Variants in ATXN1L observed in about 807,000 individuals in gnomAD.
ATXN1L encodes ataxin-1-like.
A neutral mutation model predicts 43.4 loss-of-function variants in ATXN1L; 8 were observed. The observed-to-expected ratio is 0.18, with a 90% CI of 0.11 to 0.33. The LOEUF is 0.33. ATXN1L is among the 10% of genes least tolerant of loss of function. ATXN1L has a pLI of 1.00. For missense variants in ATXN1L, 856 were observed against 885.4 expected (o/e 0.97, Z 0.42); for synonymous variants, 379 against 360.6 (o/e 1.05, Z -0.58).
chr16:71,853,562 G>A lies in ATXN1L; in HGVS notation c.*1752G>A, dbSNP rs899250987. 5 of 167,058 alleles carry A rather than the reference G, an allele frequency of 3.0e-5. No individual in the cohort carries two copies. Among genetic ancestry groups the A allele is most frequent in the South Asian group, 4.1e-4 (2 of 4,822 alleles). 10.3% of individuals were successfully genotyped at this position (167,058 alleles called of 1,614,324 possible). A position where few individuals can be genotyped will look rare whatever the true frequency, so the allele number is the denominator to read the frequency against. ...ACCTCTGAGGTCTGATCTCTGCTCT[G>A]TCAAGGACTTTCGGCAAGTCTCGTG... On this transcript the variant is annotated 3_prime_UTR_variant, in exon 3 of 3. Coordinates refer to ENST00000427980, the MANE Select transcript of ATXN1L (RefSeq NM_001137675.4).
rs1209910068 is a variant in ATXN1L, at chr16:71,852,722, C to T, written c.*912C>T. ...ACCCTTTTTCCCAGGCACTGACCCC[C>T]CACCTTTGTCTGTGTTGTGCCCAAG... On this transcript the variant is annotated 3_prime_UTR_variant, in exon 3 of 3. Coordinates refer to ENST00000427980, the MANE Select transcript of ATXN1L (RefSeq NM_001137675.4). The T allele has an allele frequency of 6.0e-6, 1 of 167,168 alleles. No homozygotes were observed. Among genetic ancestry groups the T allele is most frequent in the Non-Finnish European group, 1.5e-5 (1 of 68,222 alleles). 10.4% of individuals were successfully genotyped at this position (167,168 alleles called of 1,614,324 possible).
chr16:71,846,538 G>T (rs543741438), intron 1 of ATXN1L, among the ~76,000 whole-genome samples: 1 of 152,218 alleles, frequency 6.6e-6, no homozygotes. Context: ...CTTTCTGTCG[G>T]GCGCACCTCT....
At chr16:71,849,215 T>TAAAAAAAAAAAAAAA (rs377525889) in intron 2 of ATXN1L, among the ~76,000 whole-genome samples, 1 of 86,058 alleles carries the variant, frequency 1.2e-5, no homozygotes, top group Non-Finnish European at 2.3e-5. Flanking sequence ...TCCATGTGTT[T>TAAAAAAAAAAAAAAA]TAAAAAAAAA....
In ATXN1L at chr16:71,851,924, T is replaced by A; in HGVS notation, c.*114T>A. The A allele has an allele frequency of 4.0e-6, 5 of 1,236,686 alleles. No homozygotes were observed. The highest frequency in any genetic ancestry group is 5.3e-6 in the Non-Finnish European group (5 of 943,300). The allele number at this position is 1,236,686 out of a possible 1,614,324, so 76.6% of individuals were successfully genotyped here. On this transcript the variant is annotated 3_prime_UTR_variant, in exon 3 of 3. Transcript: ENST00000427980. The surrounding 1 kb of genome is among the most constrained non-coding windows in gnomAD (Gnocchi z 4.9). ...GGAATGGCTTTCTTGGCAGTGAGAT[T>A]TGGGGGAAAGGGGAGGCATGAAGTC... is the stretch of plus-strand genomic sequence containing the variant.
rs376116149 is a variant in ATXN1L at position 71,851,106 on chromosome 16, A to G, written c.1366A>G (p.Thr456Ala). The change falls in exon 3 of 3, where the codon ACG (threonine) becomes GCG (alanine). Residue 456 changes from threonine (T) to alanine (A), a missense_variant. By Grantham distance (58) the Thr-to-Ala change is moderately conservative. Around this residue, in one of 7 missense-constraint regions of ATXN1L, gnomAD observed 490 missense variants for 449.4 expected, o/e 1.09. Coordinates refer to ENST00000427980, the MANE Select transcript of ATXN1L (RefSeq NM_001137675.4). The surrounding 1 kb of genome is among the most constrained non-coding windows in gnomAD (Gnocchi z 4.9). ...AGCCACCTTCCCAGACAAGGAGCCA[A>G]CGCCGCCCCCCATTACCTCCTCTCA... Reference protein sequence around the residue: ...ARATFPDKEPTPPPITSSHLP... With the variant: ...ARATFPDKEPAPPPITSSHLP... 1.6e-5 allele frequency: 25 copies of G among 1,551,454 alleles called. No individual in the cohort carries two copies. The highest frequency in any genetic ancestry group is 1.2e-4 in the African/African-American group (9 of 73,010).
At chr16:71,848,283 C>A in intron 2 of ATXN1L, 1 of 287,050 alleles carries the variant, frequency 3.5e-6, no homozygotes, top group East Asian at 1.0e-4. Flanking sequence ...TGAAAGGTGA[C>A]AATAAGAGAA....
chr16:71,851,212 A>C lies in ATXN1L; in HGVS notation c.1472A>C (p.Gln491Pro). The C allele has an allele frequency of 6.4e-7, 1 of 1,551,678 alleles. No homozygotes were observed. The highest frequency in any genetic ancestry group is 8.7e-7 in the Non-Finnish European group (1 of 1,146,980). Reference protein sequence around the residue: ...ELKRVEDLQTQDFVRSAEVSG... With the variant: ...ELKRVEDLQTPDFVRSAEVSG... ...AAGCGGGTGGAGGACCTCCAGACCC[A>C]GGATTTTGTGCGCAGTGCCGAAGTG... The change falls in exon 3 of 3, where the codon CAG becomes CCG. Residue 491 changes from glutamine (Q) to proline (P), a missense_variant. Around this residue, in one of 7 missense-constraint regions of ATXN1L, gnomAD observed 22 missense variants for 49.3 expected, o/e 0.45. Transcript: ENST00000427980. This position sits in a 1 kb window ranked among gnomAD's most constrained non-coding sequence, Gnocchi z 4.9.
chr16:71,850,920 G>C lies in ATXN1L; in HGVS notation c.1180G>C (p.Gly394Arg). The C allele has an allele frequency of 6.4e-7, 1 of 1,551,632 alleles. No homozygotes were observed. The highest frequency in any genetic ancestry group is 8.7e-7 in the Non-Finnish European group (1 of 1,146,952). Residue 394 changes from glycine to arginine, a missense_variant, in exon 3 of 3, where the codon GGG (glycine) becomes CGG (arginine). By Grantham distance (125) the Gly-to-Arg change is moderately radical. Transcript: ENST00000427980. ...AELAEKSQAR[G>R]FYPQSHQEPV... Reference sequence around the variant, plus strand: ...GCTGGCAGAGAAAAGTCAGGCCCGTGGGTTCTACCCTCAGTCCCATCAGGA... The same window carrying C: ...GCTGGCAGAGAAAAGTCAGGCCCGTCGGTTCTACCCTCAGTCCCATCAGGA...
At position 71,850,306 on chromosome 16, in the gene ATXN1L, C is replaced by G. The variant is rs77031689; in HGVS notation, c.566C>G (p.Pro189Arg). 1.9e-6 allele frequency: 3 copies of G among 1,551,604 alleles called. No homozygotes were observed. Among genetic ancestry groups the G allele is most frequent in the Non-Finnish European group, 1.7e-6 (2 of 1,146,994 alleles). The change falls in exon 3 of 3, where the codon CCA becomes CGA. Residue 189 changes from proline (P) to arginine (R), a missense_variant. By Grantham distance (103) the Pro-to-Arg change is moderately radical. Coordinates refer to ENST00000427980, the MANE Select transcript of ATXN1L (RefSeq NM_001137675.4). ...CTGGCTGAAGGAGCCACTCCTCCCC[C>G]ACAGGCTCCCTCCCCGGCCCACTCA... ...SLLAEGATPPPQAPSPAHSFN... is the reference protein window; with the variant it reads ...SLLAEGATPPRQAPSPAHSFN...
At position 71,850,564 on chromosome 16, in the gene ATXN1L, G is replaced by A. The variant is rs926013235; in HGVS notation, c.824G>A (p.Arg275Gln). ...AAAANGGQRP[R>Q]ERNLVRRESE... ...GCTGCAAATGGAGGACAGAGACCAC[G>A]AGAGCGAAATTTAGTAAGACGGGAA... The change falls in exon 3 of 3, where the codon CGA (arginine) becomes CAA (glutamine). Residue 275 changes from arginine to glutamine, a missense_variant. Transcript: ENST00000427980. 10 of 1,551,606 alleles carry A rather than the reference G, an allele frequency of 6.4e-6. No individual in the cohort carries two copies. Among genetic ancestry groups the A allele is most frequent in the Admixed American group, 2.0e-5 (1 of 50,990 alleles).
At position 71,857,283 on chromosome 16, in the gene ATXN1L, A is replaced by G. The variant is rs1309705560; in HGVS notation, c.*5473A>G. 25 of 158,514 alleles carry G rather than the reference A, an allele frequency of 1.6e-4. No individual in the cohort carries two copies. In the Admixed American group the frequency reaches 1.6e-3, roughly 10 times the overall value. 9.8% of individuals were successfully genotyped at this position (158,514 alleles called of 1,614,324 possible). On this transcript the variant is annotated 3_prime_UTR_variant, in exon 3 of 3. Coordinates refer to ENST00000427980, the MANE Select transcript of ATXN1L (RefSeq NM_001137675.4). ...GACTATGTAAACACAATATCTATCA[A>G]TATCTATATATCTATATATCTATCT...
rs2033498679 is a variant in ATXN1L, at chr16:71,851,220, G to T, written c.1480G>T (p.Val494Leu). 6.4e-7 allele frequency: 1 copy of T among 1,551,564 alleles called. No homozygotes were observed. Among genetic ancestry groups the T allele is most frequent in the Non-Finnish European group, 8.7e-7 (1 of 1,147,000 alleles). The change falls in exon 3 of 3, where the codon GTG becomes TTG. Residue 494 changes from valine to leucine, a missense_variant. Around this residue, in one of 7 missense-constraint regions of ATXN1L, gnomAD observed 22 missense variants for 49.3 expected, o/e 0.45. Transcript: ENST00000427980. This position sits in a 1 kb window ranked among gnomAD's most constrained non-coding sequence, Gnocchi z 4.9. ...RVEDLQTQDF[V>L]RSAEVSGGLK... is the part of the protein sequence containing the mutation. ...GGAGGACCTCCAGACCCAGGATTTT[G>T]TGCGCAGTGCCGAAGTGAGCGGGGG... is the stretch of plus-strand genomic sequence containing the variant.
At position 71,856,087 on chromosome 16, in the gene ATXN1L, G is replaced by A. The variant is rs908574505; in HGVS notation, c.*4277G>A. The stretch of plus-strand genomic sequence containing the variant: ...CACTGGCCCCAGAGATGCTAGAGTC[G>A]ACTGCACTCTCTCCTTAGCTGCAGA... On this transcript the variant is annotated 3_prime_UTR_variant, in exon 3 of 3. Transcript: ENST00000427980. 4 of 167,060 alleles carry A rather than the reference G, an allele frequency of 2.4e-5. No homozygotes were observed. Among genetic ancestry groups the A allele is most frequent in the Admixed American group, 2.0e-4 (3 of 15,288 alleles). The allele number at this position is 167,060 out of a possible 1,614,324, so 10.3% of individuals were successfully genotyped here.
rs2033545488 is a variant in ATXN1L, at chr16:71,855,814, A to G, written c.*4004A>G. On this transcript the variant is annotated 3_prime_UTR_variant, in exon 3 of 3. Coordinates refer to ENST00000427980, the MANE Select transcript of ATXN1L (RefSeq NM_001137675.4). ...AAGTTTACTAAACCACACTGAAGCT[A>G]TAGTACCTTCCAGATGGGCAAAAGT... is the stretch of plus-strand genomic sequence containing the variant. 6.0e-6 allele frequency: 1 copy of G among 167,094 alleles called. No homozygotes were observed. The highest frequency in any genetic ancestry group is 2.4e-5 in the African/African-American group (1 of 41,456). The allele number at this position is 167,094 out of a possible 1,614,324, so 10.4% of individuals were successfully genotyped here.
In ATXN1L at chr16:71,857,299, A is replaced by C. The variant is rs930043510; in HGVS notation, c.*5489A>C. 1 of 157,774 alleles carries C rather than the reference A, an allele frequency of 6.3e-6. No homozygotes were observed. Among genetic ancestry groups the C allele is most frequent in the Non-Finnish European group, 1.5e-5 (1 of 68,078 alleles). 9.8% of individuals were successfully genotyped at this position (157,774 alleles called of 1,614,324 possible). A position where few individuals can be genotyped will look rare whatever the true frequency, so the allele number is the denominator to read the frequency against. Reference sequence around the variant, plus strand: ...TATCTATCAATATCTATATATCTATATATCTATCTATATAAACTACTAGCT... The same window carrying C: ...TATCTATCAATATCTATATATCTATCTATCTATCTATATAAACTACTAGCT... On this transcript the variant is annotated 3_prime_UTR_variant, in exon 3 of 3. Coordinates refer to ENST00000427980, the MANE Select transcript of ATXN1L (RefSeq NM_001137675.4).
At position 71,855,598 on chromosome 16, in the gene ATXN1L, T is replaced by G. The variant is rs1000902221; in HGVS notation, c.*3788T>G. ...GGTTTAAACCTGCAGCAAGCAGGCA[T>G]GTTGAAGAGTTGAGTGATCACGCTG... On this transcript the variant is annotated 3_prime_UTR_variant, in exon 3 of 3. Transcript: ENST00000427980. 4 of 167,088 alleles carry G rather than the reference T, an allele frequency of 2.4e-5. No individual in the cohort carries two copies. The highest frequency in any genetic ancestry group is 9.7e-5 in the African/African-American group (4 of 41,416). 10.4% of individuals were successfully genotyped at this position (167,088 alleles called of 1,614,324 possible).
chr16:71,850,143 A>C lies in ATXN1L; in HGVS notation c.403A>C (p.Thr135Pro), dbSNP rs1415869101. The C allele has an allele frequency of 3.9e-6, 6 of 1,551,500 alleles. No individual in the cohort carries two copies. Among genetic ancestry groups the C allele is most frequent in the Non-Finnish European group, 5.2e-6 (6 of 1,146,990 alleles). ...PPLHYAQLPSTSLQFIGSPYS... is the reference protein window; with the variant it reads ...PPLHYAQLPSPSLQFIGSPYS... ...ACTCCACTATGCTCAGCTCCCATCCACCTCGCTGCAGTTCATTGGGTCTCC... is the reference window on the plus strand; with the variant it reads ...ACTCCACTATGCTCAGCTCCCATCCCCCTCGCTGCAGTTCATTGGGTCTCC... Residue 135 changes from threonine to proline, a missense_variant, in exon 3 of 3, where the codon ACC becomes CCC. This residue lies in a region of ATXN1L where 490 missense variants were observed against 449.4 expected (regional missense o/e 1.09). Transcript: ENST00000427980.
Position 71,851,791 on chromosome 16 carries a change from G to A in ATXN1L, c.2051G>A (p.Arg684His), listed in dbSNP as rs904895544. The change falls in exon 3 of 3, where the codon CGT (arginine) becomes CAT (histidine). Residue 684 changes from arginine (R) to histidine (H), a missense_variant. Arg to His is a conservative substitution (Grantham distance 29). This residue lies in a region of ATXN1L where 185 missense variants were observed against 176.8 expected (regional missense o/e 1.05). Transcript: ENST00000427980. This position sits in a 1 kb window ranked among gnomAD's most constrained non-coding sequence, Gnocchi z 4.9. ...GAGGTAAAGCTGTCCATTGAAGGGC[G>A]TTCCAATGCGGGAAAATGAACCTCT... ...PQEVKLSIEG[R>H]SNAGK The A allele has an allele frequency of 1.0e-5, 15 of 1,431,776 alleles. No homozygotes were observed. Among genetic ancestry groups the A allele is most frequent in the Non-Finnish European group, 1.4e-5 (15 of 1,087,728 alleles). 88.7% of individuals were successfully genotyped at this position (1,431,776 alleles called of 1,614,324 possible).
At position 71,851,290 on chromosome 16, in the gene ATXN1L, A is replaced by T; in HGVS notation, c.1550A>T (p.Gln517Leu). 1 of 1,551,650 alleles carries T rather than the reference A, an allele frequency of 6.4e-7. No homozygotes were observed. The change falls in exon 3 of 3, where the codon CAA becomes CTA. Residue 517 changes from glutamine (Q) to leucine (L), a missense_variant. By Grantham distance (113) the Gln-to-Leu change is moderately radical. Transcript: ENST00000427980. This position sits in a 1 kb window ranked among gnomAD's most constrained non-coding sequence, Gnocchi z 4.9. ...SSTVVDIQESQWPGFVMLHFV... is the reference protein window; with the variant it reads ...SSTVVDIQESLWPGFVMLHFV... ...ACGGTCGTGGACATTCAGGAGAGCC[A>T]ATGGCCTGGATTTGTCATGCTGCAT...
Sources: allele counts gnomAD v4.1 joint callset (sites outside exome capture counted in the v4.1 genomes callset), GRCh38; gene constraint gnomAD v4.1.1; regional missense constraint gnomAD v4.1.1; non-coding constraint Gnocchi (gnomAD v3.1); transcripts MANE v1.5; gene names NCBI Gene and HGNC (gene_info 2026-07-23, HGNC 2026-07-21).